Variants in RABGGTB observed in about 807,000 individuals in gnomAD.
RABGGTB encodes Rab geranylgeranyltransferase subunit beta.
A neutral mutation model predicts 44.5 loss-of-function variants in RABGGTB; 20 were observed. The ratio of observed to expected loss-of-function variants is 0.45; its 90% CI spans 0.32 to 0.65. The LOEUF (loss-of-function observed/expected upper bound fraction) is 0.65, where lower values mean the gene tolerates loss of function less well. Ranked by LOEUF, RABGGTB falls within the 30% of genes least tolerant of loss-of-function variation. The pLI, the probability that RABGGTB is intolerant of heterozygous loss-of-function variation, is 0.05. For synonymous variants in RABGGTB, 128 were observed against 136.7 expected, an observed-to-expected ratio of 0.94 and a Z score of 0.44; for missense variants, 302 against 398.7, an observed-to-expected ratio of 0.76 and a Z score of 2.06.
At chr1:75,790,520 A>AATATTCTACCCT (rs1649620745) in intron 4 of RABGGTB, 1 of 993,158 alleles carries the variant, frequency 1.0e-6, no homozygotes, top group African/African-American at 1.7e-5. Context: ...AAAGTAGGGT[A>AATATTCTACCCT]AGTTTATTTC....
intron 1 of RABGGTB, 32 bp from the exon 2 acceptor site, chr1:75,787,465 A>G (rs1649523253): frequency 6.7e-7 from 1 of 1,488,670 alleles, no homozygotes; most frequent in Non-Finnish European, 9.4e-7. Context: ...GTAGAGGTAA[A>G]CATTGATGAG....
At position 75,789,247 on chromosome 1, in the gene RABGGTB, A is replaced by T. The variant is rs755777439; in HGVS notation, c.200A>T (p.Asn67Ile). 1 of 1,614,108 alleles carries T rather than the reference A, an allele frequency of 6.2e-7. No homozygotes were observed. Among genetic ancestry groups the T allele is most frequent in the Admixed American group, 1.7e-5 (1 of 60,030 alleles). Reference sequence around the variant, plus strand: ...CTCATGGGACAACTTCATCGCATGAATAGAGAAGAGATTCTGGCATTTATT... The same window carrying T: ...CTCATGGGACAACTTCATCGCATGATTAGAGAAGAGATTCTGGCATTTATT... ...MDLMGQLHRM[N>I]REEILAFIKS... The change falls in exon 3 of 9, where the codon AAT (asparagine) becomes ATT (isoleucine). Residue 67 changes from asparagine (N) to isoleucine (I), a missense_variant. Physicochemically the swap from Asn to Ile is moderately radical, Grantham distance 149. Coordinates refer to ENST00000319942, the MANE Select transcript of RABGGTB (RefSeq NM_004582.4).
chr1:75,787,498 G>T lies in RABGGTB; in HGVS notation c.5G>T (p.Gly2Val), dbSNP rs1161706307. 4 of 1,611,276 alleles carry T rather than the reference G, an allele frequency of 2.5e-6. No homozygotes were observed. The highest frequency in any genetic ancestry group is 2.7e-5 in the African/African-American group (2 of 74,812). M[G>V]TPQKDVIIKS... ...GAGATTACCACTTTATTTTGAAAGG[G>T]CACTCCACAGAAGGATGTTATTATC... Residue 2 changes from glycine to valine, a missense_variant and splice_region_variant, in exon 2 of 9, where the codon GGC becomes GTC. Physicochemically the swap from Gly to Val is moderately radical, Grantham distance 109. Transcript: ENST00000319942.
At chr1:75,786,781 A>G in intron 1 of RABGGTB, 1 of 299,788 alleles carries the variant, frequency 3.3e-6, no homozygotes, top group Non-Finnish European at 6.4e-6. Context: ...CTGCAAATAC[A>G]GAGACTCGGA....
In RABGGTB at chr1:75,786,271, C is replaced by G. The variant is rs763294891; in HGVS notation, c.-1C>G. 7.4e-6 allele frequency: 12 copies of G among 1,614,070 alleles called. No individual in the cohort carries two copies. The highest frequency in any genetic ancestry group is 6.6e-5 in the South Asian group (6 of 91,092). ...CCTGCTCTCTCCTTTCCCTGTTAGA[C>G]ATGGTAAGTGTGAGTTTAGCGCTGC... On this transcript the variant is annotated 5_prime_UTR_variant, in exon 1 of 9. Transcript: ENST00000319942.
At chr1:75,789,079 T>G in intron 2 of RABGGTB, 80 bp from the exon 3 acceptor site, 1 of 1,300,754 alleles carries the variant, frequency 7.7e-7, no homozygotes. Context: ...GCATGGCTAA[T>G]GAGTTACCTT....
intron 1 of RABGGTB, chr1:75,787,073 G>A (rs751213204): frequency 3.8e-6 from 2 of 521,034 alleles, no homozygotes; most frequent in East Asian, 1.1e-4. Flanking sequence ...AATTTTTTGG[G>A]TCAATGATGA....
chr1:75,792,259 T>C lies in RABGGTB; in HGVS notation c.658T>C (p.Cys220Arg). The C allele has an allele frequency of 6.2e-7, 1 of 1,614,154 alleles. No homozygotes were observed. Among genetic ancestry groups the C allele is most frequent in the South Asian group, 1.1e-5 (1 of 91,086 alleles). The change falls in exon 7 of 9, where the codon TGT becomes CGT. Residue 220 changes from cysteine to arginine, a missense_variant. Around this residue, in one of 2 missense-constraint regions of RABGGTB, gnomAD observed 213 missense variants for 323.7 expected, o/e 0.66. Transcript: ENST00000319942. The stretch of plus-strand genomic sequence containing the variant: ...TTCTGATTTACTTGGCTGGTGGCTT[T>C]GTGAACGACAATTACCCTCAGGCGG... ...VNSDLLGWWL[C>R]ERQLPSGGLN... is the part of the protein sequence containing the mutation.
chr1:75,790,209 C>T, intron 4 of RABGGTB, 152 bp downstream of exon 4: 3 of 1,453,698 alleles, frequency 2.1e-6, no homozygotes, highest in Non-Finnish European at 2.7e-6. Flanking sequence ...TTCCAGCATG[C>T]ACTGTGGTAG....
At chr1:75,787,851 C>T (rs1332832688) in intron 2 of RABGGTB, 4 of 691,346 alleles carry the variant, frequency 5.8e-6, no homozygotes, top group South Asian at 4.2e-5. Context: ...AGGTACAAAA[C>T]GGGTTTCTCT....
At chr1:75,786,254 C>G (rs202157361), upstream of RABGGTB, 3 of 1,614,230 alleles carry the variant, frequency 1.9e-6, no homozygotes, top group Admixed American at 1.7e-5. Context: ...ACCCTGCTCT[C>G]TCCTTTCCCT....
Position 75,789,715 on chromosome 1 carries a change from T to C in RABGGTB, c.310-237T>C, listed in dbSNP as rs1489858519. The C allele has an allele frequency of 1.1e-5, 6 of 570,672 alleles. No homozygotes were observed. The Admixed American group carries it at 1.3e-4, about 12-fold the overall frequency. The allele number at this position is 570,672 out of a possible 1,614,324, so 35.4% of individuals were successfully genotyped here. ...GACTTTGTGTGGATGTGAGTTAGTA[T>C]ACTTGAGTATCTTGGAATGCCAAGT... On this transcript the variant is annotated intron_variant, in intron 3 of 8. Transcript: ENST00000319942.
chr1:75,787,636 A>G, intron 2 of RABGGTB, 32 bp downstream of exon 2: 1 of 1,530,452 alleles, frequency 6.5e-7, no homozygotes, highest in South Asian at 1.1e-5. Context: ...TGGAAAGTTT[A>G]TTTTAAAGAA....
intron 3 of RABGGTB, chr1:75,789,734 G>A (rs1206731282): frequency 1.8e-6 from 1 of 566,848 alleles, no homozygotes; most frequent in Non-Finnish European, 3.1e-6. Context: ...ATCTTGGAAT[G>A]CCAAGTTAAA....
intron 7 of RABGGTB, 30 bp from the exon 8 acceptor site, chr1:75,794,054 T>C: frequency 6.5e-7 from 1 of 1,544,636 alleles, no homozygotes; most frequent in Non-Finnish European, 8.8e-7. Flanking sequence ...TAAAAGAGAA[T>C]GAAATTGTGG....
intron 2 of RABGGTB, chr1:75,788,396 T>G (rs562167514): frequency 6.4e-6 from 1 of 155,484 alleles, no homozygotes; most frequent in Non-Finnish European, 1.4e-5. Flanking sequence ...CTCCATCTCC[T>G]GGGTTTAAGT....
Position 75,789,324 on chromosome 1 carries a change from C to A in RABGGTB, c.277C>A (p.Pro93Thr). 8.1e-6 allele frequency: 13 copies of A among 1,614,048 alleles called. No homozygotes were observed. Among genetic ancestry groups the A allele is most frequent in the Non-Finnish European group, 1.1e-5 (13 of 1,179,992 alleles). Reference protein sequence around the residue: ...GGISASIGHDPHLLYTLSAVQ... With the variant: ...GGISASIGHDTHLLYTLSAVQ... The stretch of plus-strand genomic sequence containing the variant: ...AATAAGTGCTAGTATCGGACATGAT[C>A]CTCATCTTTTATACACTCTTAGTGC... Residue 93 changes from proline to threonine, a missense_variant, in exon 3 of 9, where the codon CCT becomes ACT. Coordinates refer to ENST00000319942, the MANE Select transcript of RABGGTB (RefSeq NM_004582.4).
intron 6 of RABGGTB, 150 bp from the exon 7 acceptor site, chr1:75,792,031 G>A: frequency 3.1e-6 from 2 of 644,996 alleles, no homozygotes; most frequent in Non-Finnish European, 5.1e-6. Context: ...GATTTTTTCA[G>A]ATATGTGGTA....
chr1:75,786,227 A>T, upstream of RABGGTB: 1 of 1,613,648 alleles, frequency 6.2e-7, no homozygotes, highest in Non-Finnish European at 8.5e-7. Context: ...CCGGCTCCTA[A>T]GTCTACCCAG....
Sources: gnomAD v4.1 joint callset for allele counts on GRCh38, gnomAD v4.1.1 for gene constraint, gnomAD v4.1.1 regional missense constraint, MANE v1.5 for transcripts, NCBI Gene and HGNC (gene_info 2026-07-23, HGNC 2026-07-21) for gene names.